BRINP1: variants seen among roughly 807,000 people sequenced by gnomAD.
BRINP1 encodes BMP/retinoic acid inducible neural specific 1, also known as BMP/retinoic acid-inducible neural-specific protein 1.
In BRINP1, 17 loss-of-function variants were observed where a neutral mutation model predicts 72.9. The ratio of observed to expected loss-of-function variants is 0.23; its 90% CI spans 0.16 to 0.35. The LOEUF (loss-of-function observed/expected upper bound fraction) is 0.35, where lower values mean the gene tolerates loss of function less well. Ranked by LOEUF, BRINP1 falls within the 10% of genes least tolerant of loss-of-function variation. BRINP1 has a pLI of 1.00. For synonymous variants in BRINP1, 418 were observed against 378.5 expected (o/e 1.10, Z -1.21); for missense variants, 850 against 1,001.6 (o/e 0.85, Z 2.04).
At chr9:119,349,521 C>T (rs577615205) in intron 1 of BRINP1, among the ~76,000 whole-genome samples, 5 of 152,174 alleles carry the variant, frequency 3.3e-5, no homozygotes, top group South Asian at 2.1e-4. Flanking sequence ...TGGATTGGTG[C>T]GGTACACTTG....
At chr9:119,317,576 A>T (rs1831137532) in intron 1 of BRINP1, among the ~76,000 whole-genome samples, 1 of 152,116 alleles carries the variant, frequency 6.6e-6, no homozygotes, top group Admixed American at 6.5e-5. Flanking sequence ...TTAGTTGATA[A>T]AACAGTGGCA....
chr9:119,222,890 G>C (rs900721055), intron 5 of BRINP1, among the ~76,000 whole-genome samples: 4 of 152,014 alleles, frequency 2.6e-5, no homozygotes, highest in South Asian at 4.2e-4. Context: ...TTTAAGAAGA[G>C]GTTGGTTCAA....
At chr9:119,255,352 G>C (rs1336887760) in intron 2 of BRINP1, among the ~76,000 whole-genome samples, 1 of 152,188 alleles carries the variant, frequency 6.6e-6, no homozygotes, top group Admixed American at 6.5e-5. Flanking sequence ...TGAGATTAAA[G>C]TAAGATCCTG....
intron 2 of BRINP1, among the ~76,000 whole-genome samples, chr9:119,272,374 C>T (rs182750411): frequency 4.3e-4 from 65 of 152,222 alleles, no homozygotes; most frequent in African/African-American, 1.5e-3. Flanking sequence ...TGAGCCACTG[C>T]GCCCGGCAGG....
chr9:119,169,452 A>G (rs942140563), intron 7 of BRINP1, among the ~76,000 whole-genome samples: 1 of 152,226 alleles, frequency 6.6e-6, no homozygotes, highest in Non-Finnish European at 1.5e-5. Context: ...CCGCGAGATT[A>G]TATTACCGCA....
chr9:119,280,187 GA>G (rs1470106083), intron 2 of BRINP1, among the ~76,000 whole-genome samples: 2 of 152,022 alleles, frequency 1.3e-5, no homozygotes, highest in Admixed American at 6.6e-5. Context: ...AACATATAAA[GA>G]AAAGATGCAG....
chr9:119,290,423 T>C (rs1457096800), intron 2 of BRINP1, among the ~76,000 whole-genome samples: 3 of 152,182 alleles, frequency 2.0e-5, no homozygotes, highest in African/African-American at 7.2e-5. Flanking sequence ...AATAGTGTAG[T>C]GGCTAATCTT....
chr9:119,259,834 C>T (rs1243861283), intron 2 of BRINP1, among the ~76,000 whole-genome samples: 5 of 152,182 alleles, frequency 3.3e-5, no homozygotes, highest in African/African-American at 9.7e-5. Context: ...ATCCAGGTCT[C>T]GCACACCAGG....
At chr9:119,299,562 G>A (rs967815578) in intron 2 of BRINP1, among the ~76,000 whole-genome samples, 11 of 149,944 alleles carry the variant, frequency 7.3e-5, no homozygotes, top group Admixed American at 2.7e-4. Context: ...GCAGTGAGCC[G>A]AGACTGCACC....
chr9:119,253,225 A>G (rs1439148002), intron 2 of BRINP1, among the ~76,000 whole-genome samples: 1 of 152,198 alleles, frequency 6.6e-6, no homozygotes, highest in Non-Finnish European at 1.5e-5. Flanking sequence ...AAAACTAAAA[A>G]TAGGACTACC....
intron 7 of BRINP1, among the ~76,000 whole-genome samples, chr9:119,172,502 CA>C (rs1829427235): frequency 6.6e-6 from 1 of 151,558 alleles, no homozygotes; most frequent in East Asian, 1.9e-4. Context: ...GCTTACCAAC[CA>C]AAAAGAGTCC....
chr9:119,282,875 G>A (rs994650732), intron 2 of BRINP1: 45 of 985,200 alleles, frequency 4.6e-5, no homozygotes, highest in Admixed American at 6.1e-5. Context: ...TTACGGTTGC[G>A]CTTTTCCCTG....
intron 7 of BRINP1, among the ~76,000 whole-genome samples, chr9:119,203,875 A>T (rs1415728983): frequency 3.9e-5 from 6 of 152,092 alleles, no homozygotes; most frequent in Non-Finnish European, 7.4e-5. Context: ...TCATCTCCAA[A>T]ATATATGTCC....
intron 7 of BRINP1, among the ~76,000 whole-genome samples, chr9:119,170,719 G>C (rs962935586): frequency 7.7e-6 from 1 of 130,144 alleles, no homozygotes; most frequent in Non-Finnish European, 1.6e-5. Flanking sequence ...AAATGTTAAG[G>C]GCAGCCAGAG....
intron 1 of BRINP1, among the ~76,000 whole-genome samples, chr9:119,318,844 G>GTGTGTGT (rs1554754957): frequency 9.1e-5 from 13 of 142,236 alleles, no homozygotes; most frequent in Admixed American, 7.6e-4. Context: ...AAATGTGTGG[G>GTGTGTGT]GTGTGTGTGT....
chr9:119,291,480 TA>T (rs1007525207), intron 2 of BRINP1, among the ~76,000 whole-genome samples: 2 of 152,190 alleles, frequency 1.3e-5, no homozygotes, highest in Non-Finnish European at 2.9e-5. Flanking sequence ...ATCTGACTAT[TA>T]AATACCTTTT....
chr9:119,199,453 C>G (rs1829780785), intron 7 of BRINP1, among the ~76,000 whole-genome samples: 1 of 152,186 alleles, frequency 6.6e-6, no homozygotes, highest in Non-Finnish European at 1.5e-5. Flanking sequence ...GCCCCAGCAT[C>G]TGAGCCTGAA....
chr9:119,184,751 AGT>A (rs1428613172), intron 7 of BRINP1, among the ~76,000 whole-genome samples: 2 of 152,146 alleles, frequency 1.3e-5, no homozygotes, highest in African/African-American at 2.4e-5. Context: ...AGGGACATTA[AGT>A]AATCTGCTTG....
rs559047245 is a variant in BRINP1, at chr9:119,305,245, G to C, written c.218+7893C>G. 1.1e-4 allele frequency among the ~76,000 whole-genome samples: 16 copies of C among 152,100 alleles called. 3 individuals are homozygous for C. In the South Asian group the frequency reaches 3.3e-3, roughly 32 times the overall value. On this transcript the variant is annotated intron_variant, in intron 2 of 7. Transcript: ENST00000265922. Reference sequence around the variant, plus strand: ...TCATATATTTTTATCTATATTTCCAGCTAGGTTTATTGAGTGAGTGTCAAA... The same window carrying C: ...TCATATATTTTTATCTATATTTCCACCTAGGTTTATTGAGTGAGTGTCAAA...
Sources: allele counts gnomAD v4.1 joint callset (sites outside exome capture counted in the v4.1 genomes callset), GRCh38; gene constraint gnomAD v4.1.1; transcripts MANE v1.5; gene names NCBI Gene and HGNC (gene_info 2026-07-23, HGNC 2026-07-21).